NRXN3: variants seen among roughly 807,000 people sequenced by gnomAD.
NRXN3 encodes neurexin 3.
In NRXN3, 32 loss-of-function variants were observed where a neutral mutation model predicts 137.6. That is an observed-to-expected ratio of 0.23 (90% CI 0.18 to 0.31). The LOEUF (loss-of-function observed/expected upper bound fraction) is 0.31, where lower values mean the gene tolerates loss of function less well. NRXN3 is among the 10% of genes least tolerant of loss of function. The probability of loss-of-function intolerance (pLI) is 1.00; values close to 1 mark genes in which losing one functional copy is unlikely to be tolerated. For synonymous variants in NRXN3, 798 were observed against 784.5 expected, an observed-to-expected ratio of 1.02 and a Z score of -0.29; for missense variants, 1,574 against 2,062.5, an observed-to-expected ratio of 0.76 and a Z score of 4.59.
intron 10 of NRXN3, among the ~76,000 whole-genome samples, chr14:78,890,032 A>G (rs893053401): frequency 1.3e-5 from 2 of 152,028 alleles, no homozygotes; most frequent in African/African-American, 4.8e-5. Context: ...CATAGGCAGC[A>G]GAAATTGGAA....
At chr14:78,794,305 C>T (rs2098814548) in intron 8 of NRXN3, among the ~76,000 whole-genome samples, 1 of 152,158 alleles carries the variant, frequency 6.6e-6, no homozygotes, top group South Asian at 2.1e-4. Context: ...TTGCTTGAAC[C>T]TGGGAGACGA....
rs373816291 is a variant in NRXN3 at position 78,721,630 on chromosome 14, T to C, written c.2044+6491T>C. On this transcript the variant is annotated intron_variant, in intron 8 of 20. Transcript: ENST00000335750. ...TCCCTGATTCATTCATCCAAGAAAA[T>C]GAATACCTTGGTGTACTGAGTACAC... 5.9e-5 allele frequency among the ~76,000 whole-genome samples: 9 copies of C among 152,178 alleles called. No homozygotes were observed. In the East Asian group the frequency reaches 9.7e-4, roughly 16 times the overall value.
intron 1 of NRXN3, among the ~76,000 whole-genome samples, chr14:78,195,685 A>T (rs1166714393): frequency 1.3e-5 from 2 of 152,174 alleles, no homozygotes; most frequent in Non-Finnish European, 2.9e-5. Context: ...ACTAGGCTGG[A>T]ATGAGAGAGA....
At chr14:78,431,853 A>G (rs572752604) in intron 4 of NRXN3, among the ~76,000 whole-genome samples, 306 of 152,346 alleles carry the variant, frequency 2.0e-3, no homozygotes, top group Non-Finnish European at 3.8e-3. Flanking sequence ...TTTTCTTACA[A>G]CATTCCTTGG....
chr14:79,418,349 G>A lies in NRXN3; in HGVS notation c.3263-48872G>A, dbSNP rs528237405. On this transcript the variant is annotated intron_variant, in intron 15 of 20. Transcript: ENST00000335750. ...GTATACAAGAGTGGAAACCGTGTTT[G>A]ATCTGACGTTTTGGCTCTTGTATGA... 2.0e-5 allele frequency among the ~76,000 whole-genome samples: 3 copies of A among 152,282 alleles called. No homozygotes were observed. The East Asian group carries it at 5.8e-4, about 29-fold the overall frequency.
At chr14:79,692,017 G>A (rs771618310) in intron 17 of NRXN3, among the ~76,000 whole-genome samples, 156 bp from the exon 18 acceptor site, 14 of 151,846 alleles carry the variant, frequency 9.2e-5, no homozygotes, top group Non-Finnish European at 1.8e-4. Flanking sequence ...TAAACCTATC[G>A]ACCAAGGGCA....
At chr14:79,851,556 A>AT in intron 20 of NRXN3, among the ~76,000 whole-genome samples, 1 of 152,188 alleles carries the variant, frequency 6.6e-6, no homozygotes, top group East Asian at 1.9e-4. Context: ...CATCCTCAAA[A>AT]TTTACTCTAT....
chr14:78,191,488 T>C (rs2060722503), intron 1 of NRXN3, among the ~76,000 whole-genome samples: 1 of 152,166 alleles, frequency 6.6e-6, no homozygotes, highest in South Asian at 2.1e-4. Context: ...GATGAGGCTG[T>C]GGGAGGAGGC....
At chr14:79,339,452 T>C (rs1276829838) in intron 15 of NRXN3, among the ~76,000 whole-genome samples, 1 of 152,236 alleles carries the variant, frequency 6.6e-6, no homozygotes, top group African/African-American at 2.4e-5. Flanking sequence ...TTCCAGGTGT[T>C]GCTGATGCTG....
At chr14:78,738,464 A>C (rs2098550551) in intron 8 of NRXN3, among the ~76,000 whole-genome samples, 1 of 151,794 alleles carries the variant, frequency 6.6e-6, no homozygotes, top group Non-Finnish European at 1.5e-5. Context: ...TACCTCTCAG[A>C]CCCCACCCTC....
At chr14:78,487,309 G>A (rs981929056) in intron 4 of NRXN3, among the ~76,000 whole-genome samples, 10 of 152,156 alleles carry the variant, frequency 6.6e-5, no homozygotes, top group Admixed American at 3.9e-4. Flanking sequence ...AACTCTGGAG[G>A]AGGCCAGGGC....
At chr14:79,393,160 G>C (rs1237625161) in intron 15 of NRXN3, among the ~76,000 whole-genome samples, 1 of 151,866 alleles carries the variant, frequency 6.6e-6, no homozygotes, top group Non-Finnish European at 1.5e-5. Flanking sequence ...TAGCATTAAG[G>C]GTGAAGTCTT....
chr14:79,855,459 T>C (rs971947745), intron 20 of NRXN3, among the ~76,000 whole-genome samples: 2 of 152,214 alleles, frequency 1.3e-5, no homozygotes, highest in African/African-American at 2.4e-5. Flanking sequence ...GATAATATTT[T>C]AGGTCTAAAA....
chr14:79,854,047 AATT>A lies in NRXN3; in HGVS notation c.4094-7289_4094-7287del, dbSNP rs1485115960. On this transcript the variant is annotated intron_variant, in intron 20 of 20. Transcript: ENST00000335750. ...CCTCCCTGTATCATCCTCTGTTGTAAATTATTATATTTGAAAAATTAGACATTT... is the reference window on the plus strand; with the variant it reads ...CCTCCCTGTATCATCCTCTGTTGTAAATTATATTTGAAAAATTAGACATTT... The A allele has an allele frequency of 3.1e-5, 31 of 984,634 alleles. No homozygotes were observed. The South Asian group carries it at 8.5e-4, about 27-fold the overall frequency. 61.0% of individuals were successfully genotyped at this position (984,634 alleles called of 1,614,324 possible).
At chr14:79,138,082 A>G (rs1019964428) in intron 15 of NRXN3, among the ~76,000 whole-genome samples, 1 of 152,264 alleles carries the variant, frequency 6.6e-6, no homozygotes, top group African/African-American at 2.4e-5. Flanking sequence ...GATTTTTTAA[A>G]TGGCATTACA....
At chr14:78,596,485 G>A (rs188605776) in intron 4 of NRXN3, among the ~76,000 whole-genome samples, 1 of 152,322 alleles carries the variant, frequency 6.6e-6, no homozygotes, top group Non-Finnish European at 1.5e-5. Context: ...GGTTTGCTGT[G>A]AGAAGTCAGT....
At chr14:78,952,673 A>G (rs1018982250) in intron 10 of NRXN3, among the ~76,000 whole-genome samples, 6 of 152,256 alleles carry the variant, frequency 3.9e-5, no homozygotes, top group African/African-American at 1.4e-4. Context: ...AATTATAGGC[A>G]TCTTTCACTA....
chr14:79,045,229 A>G (rs2099631258), intron 15 of NRXN3, among the ~76,000 whole-genome samples: 1 of 151,724 alleles, frequency 6.6e-6, no homozygotes, highest in Admixed American at 6.6e-5. Flanking sequence ...CGCTACCCAC[A>G]CCCCTCCTTC....
chr14:78,935,870 A>T (rs1031972278), intron 10 of NRXN3, among the ~76,000 whole-genome samples: 1 of 152,150 alleles, frequency 6.6e-6, no homozygotes. Flanking sequence ...TTCCATTCCT[A>T]TCATTCAGGG....
Sources: gnomAD v4.1 joint callset for allele counts (sites outside exome capture counted in the v4.1 genomes callset) on GRCh38, gnomAD v4.1.1 for gene constraint, MANE v1.5 for transcripts, NCBI Gene and HGNC (gene_info 2026-07-23, HGNC 2026-07-21) for gene names.